SCEL: variants seen among roughly 807,000 people sequenced by gnomAD.
The protein encoded by SCEL is sciellin.
Under a neutral mutation model 117.6 loss-of-function variants are expected in SCEL, and 113 were observed. That is an observed-to-expected ratio of 0.96 (90% confidence interval 0.83 to 1.12). SCEL has a LOEUF of 1.12. Among genes scored for constraint, SCEL ranks in the 50% most tolerant of loss-of-function variants. SCEL has a pLI of 0.00. For synonymous variants in SCEL, 270 were observed against 256.2 expected, an observed-to-expected ratio of 1.05 and a Z score of -0.51; for missense variants, 785 against 810.8, an observed-to-expected ratio of 0.97 and a Z score of 0.39.
intron 10 of SCEL, among the ~76,000 whole-genome samples, chr13:77,589,705 A>C (rs2086763745): frequency 6.6e-6 from 1 of 152,168 alleles, no homozygotes; most frequent in South Asian, 2.1e-4. Context: ...TGTTACAAAT[A>C]CCTTTGAGTA....
At chr13:77,614,658 T>G (rs2088895776) in intron 24 of SCEL, among the ~76,000 whole-genome samples, 1 of 152,174 alleles carries the variant, frequency 6.6e-6, no homozygotes, top group African/African-American at 2.4e-5. Context: ...GAATGAACCT[T>G]AAGATATCTT....
intron 10 of SCEL, 62 bp from the exon 11 acceptor site, chr13:77,591,333 T>C: frequency 9.9e-7 from 1 of 1,014,558 alleles, no homozygotes; most frequent in Admixed American, 2.1e-5. Flanking sequence ...AAAATAAATT[T>C]CAATTTATCA....
chr13:77,641,283 A>G (rs2090546789), intron 31 of SCEL, among the ~76,000 whole-genome samples: 1 of 152,222 alleles, frequency 6.6e-6, no homozygotes, highest in Non-Finnish European at 1.5e-5. Flanking sequence ...AGCTTTTATT[A>G]GTAGACTAAA....
At chr13:77,567,248 G>A (rs2085339781) in intron 5 of SCEL, among the ~76,000 whole-genome samples, 1 of 152,174 alleles carries the variant, frequency 6.6e-6, no homozygotes, top group Non-Finnish European at 1.5e-5. Context: ...GAGGTTAGGA[G>A]TTCGAGACCA....
intron 23 of SCEL, 46 bp from the exon 24 acceptor site, chr13:77,613,847 G>T: frequency 6.7e-7 from 1 of 1,487,356 alleles, no homozygotes; most frequent in Middle Eastern, 1.7e-4. Flanking sequence ...AAACAAAAAA[G>T]AAATGCCAGT....
intron 12 of SCEL, among the ~76,000 whole-genome samples, chr13:77,595,337 C>T (rs1037277019): frequency 6.6e-6 from 1 of 152,128 alleles, no homozygotes; most frequent in African/African-American, 2.4e-5. Context: ...ATCCGAGCTG[C>T]TCTTTGTGAA....
intron 27 of SCEL, among the ~76,000 whole-genome samples, chr13:77,626,305 C>T (rs1285038874): frequency 6.6e-6 from 1 of 152,166 alleles, no homozygotes; most frequent in African/African-American, 2.4e-5. Context: ...CCTGGCTCCA[C>T]CCTTGACACA....
chr13:77,627,491 A>G (rs1021197967), intron 27 of SCEL, among the ~76,000 whole-genome samples: 3 of 152,204 alleles, frequency 2.0e-5, no homozygotes, highest in African/African-American at 7.2e-5. Context: ...TTTCCAAATA[A>G]CTAGATGAGA....
intron 28 of SCEL, 31 bp from the exon 29 acceptor site, chr13:77,634,348 T>C (rs2090171187): frequency 6.4e-7 from 1 of 1,570,870 alleles, no homozygotes; most frequent in Non-Finnish European, 8.8e-7. Context: ...AAATAAACTT[T>C]AATCATGAAG....
chr13:77,567,445 C>T (rs977803921), intron 5 of SCEL, among the ~76,000 whole-genome samples: 1 of 152,186 alleles, frequency 6.6e-6, no homozygotes, highest in South Asian at 2.1e-4. Flanking sequence ...CAGAGCAAGA[C>T]TCCATCTCAA....
intron 12 of SCEL, among the ~76,000 whole-genome samples, chr13:77,593,992 T>C (rs1404284288): frequency 2.0e-5 from 2 of 101,288 alleles, no homozygotes; most frequent in Non-Finnish European, 3.9e-5. Flanking sequence ...CTTTCTGGAA[T>C]AATTCTTGAT....
rs1029026714 is a variant in SCEL, at chr13:77,603,121, T to A, written c.1083T>A (p.His361Gln). The A allele has an allele frequency of 2.6e-6, 4 of 1,557,830 alleles. No homozygotes were observed. The highest frequency in any genetic ancestry group is 1.9e-5 in the Admixed American group (1 of 52,700). ...DNATEVNPKGHENTTGKKDLD... is the reference protein window; with the variant it reads ...DNATEVNPKGQENTTGKKDLD... ...CTACTGAAGTAAATCCCAAAGGACA[T>A]GAAAATACCACTGGGTAAAAATAAT... Residue 361 changes from histidine (H) to glutamine (Q), a missense_variant, in exon 18 of 33, where the codon CAT becomes CAA. Transcript: ENST00000349847.
chr13:77,602,029 C>G, intron 15 of SCEL, 36 bp from the exon 16 acceptor site: 1 of 1,567,792 alleles, frequency 6.4e-7, no homozygotes, highest in Non-Finnish European at 8.7e-7. Context: ...TTGCCTCACT[C>G]TCTCTTTCTC....
intron 30 of SCEL, among the ~76,000 whole-genome samples, chr13:77,638,760 C>T (rs1567451534): frequency 6.6e-6 from 1 of 152,146 alleles, no homozygotes; most frequent in Admixed American, 6.5e-5. Flanking sequence ...CTCCATGGCC[C>T]TTCAGAACCT....
chr13:77,565,313 T>A (rs778527721), intron 5 of SCEL, among the ~76,000 whole-genome samples: 1 of 152,224 alleles, frequency 6.6e-6, no homozygotes, highest in Non-Finnish European at 1.5e-5. Flanking sequence ...TTAATTAGCC[T>A]GAGGTGGAAC....
chr13:77,563,477 GA>G (rs1354720400), intron 4 of SCEL, among the ~76,000 whole-genome samples: 1 of 152,152 alleles, frequency 6.6e-6, no homozygotes, highest in Non-Finnish European at 1.5e-5. Context: ...CTATTATGTA[GA>G]AATAAACAAC....
At position 77,556,687 on chromosome 13, in the gene SCEL, G is replaced by C. The variant is rs150939586; in HGVS notation, c.135G>C (p.Trp45Cys). The C allele has an allele frequency of 1.8e-5, 29 of 1,613,788 alleles. No homozygotes were observed. Among genetic ancestry groups the C allele is most frequent in the African/African-American group, 2.7e-5 (2 of 74,916 alleles). The change falls in exon 3 of 33, where the codon TGG (tryptophan) becomes TGC (cysteine). Residue 45 changes from tryptophan (W) to cysteine (C), a missense_variant. Trp to Cys is a radical substitution (Grantham distance 215). Transcript: ENST00000349847. Reference sequence around the variant, plus strand: ...GAACTTTCTTACAGGATAACAGTTGGATAAAGAAACGCCCTGAAGAAGAAA... The same window carrying C: ...GAACTTTCTTACAGGATAACAGTTGCATAAAGAAACGCCCTGAAGAAGAAA... ...KRRTFLQDNS[W>C]IKKRPEEEKD... is the part of the protein sequence containing the mutation.
intron 1 of SCEL, among the ~76,000 whole-genome samples, chr13:77,541,690 T>C (rs1326539573): frequency 2.6e-5 from 4 of 152,176 alleles, no homozygotes; most frequent in East Asian, 1.9e-4. Flanking sequence ...TTACAGTGAT[T>C]GATTAAAGGT....
rs370854890 is a variant in SCEL at position 77,569,621 on chromosome 13, C to G, written c.479+170C>G. Among the ~76,000 whole-genome samples the G allele has an allele frequency of 1.4e-4, 21 of 152,292 alleles. No homozygotes were observed. The East Asian group carries it at 2.9e-3, about 21-fold the overall frequency. On this transcript the variant is annotated intron_variant, in intron 8 of 32. Transcript: ENST00000349847. ...CAAATATAGAGTCTTGTTTTCAATT[C>G]CTGTAGGGCCTTGAATTTCTAGGAA...
Sources: gnomAD v4.1 joint callset for allele counts (sites outside exome capture counted in the v4.1 genomes callset) on GRCh38, gnomAD v4.1.1 for gene constraint, MANE v1.5 for transcripts, NCBI Gene and HGNC (gene_info 2026-07-23, HGNC 2026-07-21) for gene names.